Variants in ELP5 observed in about 807,000 individuals in gnomAD.
ELP5 encodes elongator complex protein 5.
Under a neutral mutation model 33.4 loss-of-function variants are expected in ELP5, and 34 were observed. The ratio of observed to expected loss-of-function variants is 1.02; its 90% CI spans 0.78 to 1.36. The LOEUF (loss-of-function observed/expected upper bound fraction) is 1.36. ELP5 is among the 40% of genes most tolerant of loss of function. The probability of loss-of-function intolerance (pLI) is 0.00; values close to 1 mark genes in which losing one functional copy is unlikely to be tolerated. For synonymous variants in ELP5, 161 were observed against 146.4 expected (o/e 1.10, Z -0.72); for missense variants, 373 against 371.7 (o/e 1.00, Z -0.03).
chr17:7,257,406 C>T (rs1006160385), intron 5 of ELP5, among the ~76,000 whole-genome samples: 1 of 150,532 alleles, frequency 6.6e-6, no homozygotes, highest in African/African-American at 2.4e-5. Context: ...GAAAGCCAGT[C>T]CAGGGAGGGT....
intron 3 of ELP5, among the ~76,000 whole-genome samples, chr17:7,254,080 C>T (rs928729193): frequency 1.3e-5 from 2 of 151,684 alleles, no homozygotes; most frequent in South Asian, 2.1e-4. Flanking sequence ...CTATGCCAGT[C>T]TCCCTTTCCT....
At position 7,259,032 on chromosome 17, in the gene ELP5, G is replaced by A. The variant is rs572999679; in HGVS notation, c.788+106G>A. The A allele has an allele frequency of 9.1e-6, 14 of 1,530,364 alleles. No individual in the cohort carries two copies. In the South Asian group the frequency reaches 1.8e-4, roughly 19 times the overall value. The allele number at this position is 1,530,364 out of a possible 1,614,324, so 94.8% of individuals were successfully genotyped here. A position where few individuals can be genotyped will look rare whatever the true frequency, so the allele number is the denominator to read the frequency against. ...TGATTAACCTGACTTTATAGGGACTGAAGTCCACCTCCAGAGACAAGTCCA... is the reference window on the plus strand; with the variant it reads ...TGATTAACCTGACTTTATAGGGACTAAAGTCCACCTCCAGAGACAAGTCCA... On this transcript the variant is annotated intron_variant, in intron 7 of 7. Transcript: ENST00000396628.
In ELP5 at chr17:7,258,698, C is replaced by T. The variant is rs763242037; in HGVS notation, c.687+15C>T. The T allele has an allele frequency of 1.2e-5, 19 of 1,613,866 alleles. No homozygotes were observed. The Admixed American group carries it at 1.5e-4, about 13-fold the overall frequency. On this transcript the variant is annotated intron_variant, in intron 6 of 7. Coordinates refer to ENST00000396628, the MANE Select transcript of ELP5 (RefSeq NM_203414.3). ...ATATACCCCCGGTATCTAAGAATGCCAAGGCCAGAACAAGGAAATGTAGTT... is the reference window on the plus strand; with the variant it reads ...ATATACCCCCGGTATCTAAGAATGCTAAGGCCAGAACAAGGAAATGTAGTT...
chr17:7,253,359 C>G (rs915043970), intron 3 of ELP5, among the ~76,000 whole-genome samples: 1 of 152,140 alleles, frequency 6.6e-6, no homozygotes, highest in Non-Finnish European at 1.5e-5. Flanking sequence ...GAGACCTGTT[C>G]CTGACCTAAT....
At chr17:7,253,078 C>G (rs961603433) in intron 3 of ELP5, 80 bp downstream of exon 3, 1 of 1,371,764 alleles carries the variant, frequency 7.3e-7, no homozygotes, top group Non-Finnish European at 1.0e-6. Context: ...AGCGCAGAAC[C>G]TGGTATGTAG....
rs2071958565 is a variant in ELP5 at position 7,252,498 on chromosome 17, G to T, written c.-53G>T. On this transcript the variant is annotated 5_prime_UTR_variant, in exon 1 of 8. Transcript: ENST00000396628. ...TTTCACCCCGAGGAGGAAGGACACT[G>T]GGTCATGACGCCATCAGAGGGCGCC... is the stretch of plus-strand genomic sequence containing the variant. The T allele has an allele frequency of 6.2e-7, 1 of 1,613,424 alleles. No individual in the cohort carries two copies. The highest frequency in any genetic ancestry group is 1.1e-5 in the South Asian group (1 of 90,916).
chr17:7,253,614 GGAT>G (rs1422563463), intron 3 of ELP5, among the ~76,000 whole-genome samples: 2 of 152,182 alleles, frequency 1.3e-5, no homozygotes, highest in African/African-American at 4.8e-5. Context: ...GCAACTCAGT[GGAT>G]GATAATAGTA....
intron 3 of ELP5, 92 bp from the exon 4 acceptor site, chr17:7,254,491 T>G (rs1597582147): frequency 1.1e-6 from 1 of 885,528 alleles, no homozygotes; most frequent in Non-Finnish European, 1.7e-6. Context: ...TCATAAAAAT[T>G]GAGAAAACAG....
intron 5 of ELP5, 46 bp downstream of exon 5, chr17:7,257,084 AG>A (rs748319149): frequency 1.3e-6 from 2 of 1,499,040 alleles, no homozygotes; most frequent in Non-Finnish European, 1.8e-6. Context: ...GGACAGAGAA[AG>A]GGGTGGCACG....
intron 3 of ELP5, among the ~76,000 whole-genome samples, chr17:7,254,339 T>G (rs2143000490): frequency 6.6e-6 from 1 of 152,360 alleles, no homozygotes; most frequent in East Asian, 1.9e-4. Context: ...GAGGCAACTC[T>G]TAGAAATAAT....
intron 5 of ELP5, among the ~76,000 whole-genome samples, chr17:7,257,736 C>T (rs976136098): frequency 6.6e-6 from 1 of 152,102 alleles, no homozygotes; most frequent in Admixed American, 6.5e-5. Flanking sequence ...TGCACCCGGC[C>T]CAAGGAGGTT....
rs761633537 is a variant in ELP5, at chr17:7,252,577, C to T, written c.27C>T (p.Gly9=). Residue 9 remains glycine, a synonymous_variant, in exon 1 of 8, where the codon GGC becomes GGT. Coordinates refer to ENST00000396628, the MANE Select transcript of ELP5 (RefSeq NM_203414.3). ...TGTTGGACTCGCTGTTGGCCTTGGGCGGCCTGGTGCTGCTTCGGGGTGAGA... is the reference window on the plus strand; with the variant it reads ...TGTTGGACTCGCTGTTGGCCTTGGGTGGCCTGGTGCTGCTTCGGGGTGAGA... MLDSLLAL[G]GLVLLRDSVE... The T allele has an allele frequency of 1.9e-6, 3 of 1,613,050 alleles. No homozygotes were observed. The highest frequency in any genetic ancestry group is 2.2e-5 in the East Asian group (1 of 44,874).
chr17:7,253,486 A>C (rs2072000749), intron 3 of ELP5, among the ~76,000 whole-genome samples: 1 of 152,214 alleles, frequency 6.6e-6, no homozygotes, highest in South Asian at 2.1e-4. Context: ...TCCAGGATTT[A>C]TTGACTAATA....
chr17:7,252,507 C>T lies in ELP5; in HGVS notation c.-44C>T. ...GAGGAGGAAGGACACTGGGTCATGA[C>T]GCCATCAGAGGGCGCCAGAGCAGGG... On this transcript the variant is annotated 5_prime_UTR_variant, in exon 1 of 8. The change creates a new upstream start codon in the 5' untranslated region. Coordinates refer to ENST00000396628, the MANE Select transcript of ELP5 (RefSeq NM_203414.3). The T allele has an allele frequency of 6.2e-7, 1 of 1,613,596 alleles. No individual in the cohort carries two copies. Among genetic ancestry groups the T allele is most frequent in the South Asian group, 1.1e-5 (1 of 90,938 alleles).
At position 7,259,763 on chromosome 17, in the gene ELP5, T is replaced by C; in HGVS notation, c.*78T>C. 2 of 1,578,786 alleles carry C rather than the reference T, an allele frequency of 1.3e-6. No individual in the cohort carries two copies. The highest frequency in any genetic ancestry group is 2.3e-5 in the South Asian group (2 of 87,430). Reference sequence around the variant, plus strand: ...CCCAGAACCATCTTTCTATTGTTTGTGTTAGCCTTACCCTGTCCCTGCCCC... The same window carrying C: ...CCCAGAACCATCTTTCTATTGTTTGCGTTAGCCTTACCCTGTCCCTGCCCC... On this transcript the variant is annotated 3_prime_UTR_variant, in exon 8 of 8. Coordinates refer to ENST00000396628, the MANE Select transcript of ELP5 (RefSeq NM_203414.3).
Position 7,253,109 on chromosome 17 carries a change from A to T in ELP5, c.188+111A>T, listed in dbSNP as rs186948792. On this transcript the variant is annotated intron_variant, in intron 3 of 7. Coordinates refer to ENST00000396628, the MANE Select transcript of ELP5 (RefSeq NM_203414.3). ...TGTAGTAGCAGTTCCTTAAATATTCATTGAAGAATTGGATATGGATCTTTC... is the reference window on the plus strand; with the variant it reads ...TGTAGTAGCAGTTCCTTAAATATTCTTTGAAGAATTGGATATGGATCTTTC... 2.6e-5 allele frequency: 27 copies of T among 1,026,752 alleles called. No individual in the cohort carries two copies. In the African/African-American group the frequency reaches 3.9e-4, roughly 15 times the overall value. The allele number at this position is 1,026,752 out of a possible 1,614,324, so 63.6% of individuals were successfully genotyped here. A position where few individuals can be genotyped will look rare whatever the true frequency, so the allele number is the denominator to read the frequency against.
chr17:7,256,587 C>G (rs1184523036), intron 4 of ELP5, among the ~76,000 whole-genome samples: 2 of 152,204 alleles, frequency 1.3e-5, no homozygotes, highest in South Asian at 4.1e-4. Flanking sequence ...TGGACACCAC[C>G]TGCTGGAAGC....
chr17:7,258,104 C>T (rs1363230203), intron 5 of ELP5, among the ~76,000 whole-genome samples: 3 of 151,590 alleles, frequency 2.0e-5, no homozygotes, highest in Admixed American at 1.3e-4. Context: ...CCTAAGGAGT[C>T]GCCATCCTTT....
At chr17:7,252,184 C>T (rs2071946899), upstream of ELP5, 2 of 378,784 alleles carry the variant, frequency 5.3e-6, no homozygotes, top group South Asian at 2.2e-5. Context: ...CAGGCCCCGC[C>T]TCAAACTGCG....
Sources: allele counts gnomAD v4.1 joint callset (sites outside exome capture counted in the v4.1 genomes callset), GRCh38; gene constraint gnomAD v4.1.1; transcripts MANE v1.5; gene names NCBI Gene and HGNC (gene_info 2026-07-23, HGNC 2026-07-21).